Variants in PDGFD observed in about 807,000 individuals in gnomAD.
The protein encoded by PDGFD is platelet-derived growth factor D.
A neutral mutation model predicts 44.7 loss-of-function variants in PDGFD; 30 were observed. The observed-to-expected ratio is 0.67, with a 90% CI of 0.50 to 0.91. The LOEUF is 0.91. Among genes scored for constraint, PDGFD ranks in the 40% least tolerant of loss-of-function variants. The pLI is 0.00. For synonymous variants in PDGFD, 173 were observed against 168.4 expected (o/e 1.03, Z -0.21); for missense variants, 445 against 457.8 (o/e 0.97, Z 0.25).
At chr11:104,028,934 G>C (rs1263258794) in intron 1 of PDGFD, among the ~76,000 whole-genome samples, 1 of 152,064 alleles carries the variant, frequency 6.6e-6, no homozygotes, top group Non-Finnish European at 1.5e-5. Flanking sequence ...CCCTGATTTT[G>C]AAAGTTAGAG....
chr11:104,145,241 T>C (rs748456503), intron 1 of PDGFD, among the ~76,000 whole-genome samples: 4 of 152,198 alleles, frequency 2.6e-5, no homozygotes, highest in Non-Finnish European at 5.9e-5. Context: ...GGCTAGATTT[T>C]CTTTTCAAAT....
intron 1 of PDGFD, among the ~76,000 whole-genome samples, chr11:104,136,963 A>G (rs1294739309): frequency 6.6e-6 from 1 of 152,180 alleles, no homozygotes; most frequent in Non-Finnish European, 1.5e-5. Flanking sequence ...AACTAGTCCA[A>G]TGTCCTCATT....
chr11:104,118,320 A>C (rs1009958012), intron 1 of PDGFD, among the ~76,000 whole-genome samples: 1 of 151,816 alleles, frequency 6.6e-6, no homozygotes, highest in African/African-American at 2.4e-5. Flanking sequence ...TCTCTACTCT[A>C]GGCTATGTGA....
intron 1 of PDGFD, among the ~76,000 whole-genome samples, chr11:104,006,329 A>G (rs1478081932): frequency 6.6e-6 from 1 of 152,202 alleles, no homozygotes; most frequent in African/African-American, 2.4e-5. Context: ...ACCACTGACC[A>G]TATCATGATT....
intron 1 of PDGFD, among the ~76,000 whole-genome samples, chr11:104,125,441 T>C (rs1861828680): frequency 6.6e-6 from 1 of 152,168 alleles, no homozygotes; most frequent in South Asian, 2.1e-4. Flanking sequence ...TTTATTATTA[T>C]TATTACTACA....
intron 1 of PDGFD, among the ~76,000 whole-genome samples, chr11:104,103,462 G>GTGTGTATATATA (rs1041388346): frequency 1.2e-3 from 166 of 133,216 alleles, no homozygotes; most frequent in African/African-American, 1.5e-3. Flanking sequence ...GTGTGTGTGT[G>GTGTGTATATATA]TATATATATA....
intron 1 of PDGFD, among the ~76,000 whole-genome samples, chr11:104,078,987 T>C (rs1300951023): frequency 3.3e-5 from 5 of 152,222 alleles, no homozygotes; most frequent in Admixed American, 2.6e-4. Flanking sequence ...TTCCTTGTGA[T>C]GCATCTTAAG....
chr11:104,095,102 C>T (rs1451076665), intron 1 of PDGFD, among the ~76,000 whole-genome samples: 1 of 152,068 alleles, frequency 6.6e-6, no homozygotes, highest in Non-Finnish European at 1.5e-5. Flanking sequence ...TCCACTTACC[C>T]TTCAGATCTC....
At chr11:103,937,546 G>GT (rs907133696) in intron 5 of PDGFD, among the ~76,000 whole-genome samples, 2 of 150,894 alleles carry the variant, frequency 1.3e-5, no homozygotes, top group South Asian at 2.1e-4. Context: ...GTTTTGTTTT[G>GT]TTTTTTTAAT....
chr11:103,909,446 G>A lies in PDGFD; in HGVS notation c.*248C>T, dbSNP rs1295770422. The stretch of plus-strand genomic sequence containing the variant: ...TAGACATGAATATATTTCTGTGTGT[G>A]TTTGTGCATATATAACCTCAAACAC... On this transcript the variant is annotated 3_prime_UTR_variant, in exon 7 of 7. Transcript: ENST00000393158. 1 of 441,004 alleles carries A rather than the reference G, an allele frequency of 2.3e-6. No homozygotes were observed. The highest frequency in any genetic ancestry group is 2.0e-5 in the African/African-American group (1 of 50,926). The allele number at this position is 441,004 out of a possible 1,614,324, so 27.3% of individuals were successfully genotyped here. A position where few individuals can be genotyped will look rare whatever the true frequency, so the allele number is the denominator to read the frequency against.
intron 1 of PDGFD, among the ~76,000 whole-genome samples, chr11:104,090,887 T>TC: frequency 6.6e-6 from 1 of 152,180 alleles, no homozygotes; most frequent in South Asian, 2.1e-4. Flanking sequence ...CAGGAGAAGT[T>TC]CCCACAGATC....
chr11:104,033,889 T>C (rs937265406), intron 1 of PDGFD, among the ~76,000 whole-genome samples: 2 of 152,178 alleles, frequency 1.3e-5, no homozygotes, highest in Admixed American at 6.5e-5. Flanking sequence ...AACCATAACA[T>C]AATATTATTG....
At chr11:104,099,543 A>T (rs1219946222) in intron 1 of PDGFD, among the ~76,000 whole-genome samples, 1 of 151,666 alleles carries the variant, frequency 6.6e-6, no homozygotes, top group African/African-American at 2.4e-5. Context: ...AAGGTGGGAG[A>T]ATCACTTTAT....
chr11:104,148,900 C>T (rs1041096683), intron 1 of PDGFD, among the ~76,000 whole-genome samples: 4 of 152,140 alleles, frequency 2.6e-5, no homozygotes, highest in African/African-American at 9.7e-5. Context: ...GCTTTACCCA[C>T]GTCTCTGCAA....
intron 1 of PDGFD, among the ~76,000 whole-genome samples, chr11:104,023,514 T>C (rs1725910028): frequency 6.6e-6 from 1 of 152,172 alleles, no homozygotes; most frequent in Non-Finnish European, 1.5e-5. Context: ...GTTTATTATT[T>C]ATATCCATGG....
chr11:104,163,469 G>T (rs1862417414), intron 1 of PDGFD, among the ~76,000 whole-genome samples: 1 of 152,098 alleles, frequency 6.6e-6, no homozygotes, highest in African/African-American at 2.4e-5. Context: ...CTGACCAAGG[G>T]GCGGCGCAGC....
intron 3 of PDGFD, among the ~76,000 whole-genome samples, chr11:103,963,095 A>G (rs1053294463): frequency 1.3e-5 from 2 of 152,158 alleles, no homozygotes; most frequent in Non-Finnish European, 2.9e-5. Context: ...TGTTTTGAAG[A>G]TTAAACACTT....
chr11:104,086,523 G>C (rs186609633), intron 1 of PDGFD, among the ~76,000 whole-genome samples: 214 of 152,248 alleles, frequency 1.4e-3, no homozygotes, highest in African/African-American at 4.6e-3. Flanking sequence ...ACTAAGTATA[G>C]ATTTTAAAGG....
chr11:104,082,148 A>ATATATATATATATATATATATATATT (rs1469646554), intron 1 of PDGFD, among the ~76,000 whole-genome samples: 1 of 148,416 alleles, frequency 6.7e-6, no homozygotes, highest in Non-Finnish European at 1.5e-5. Flanking sequence ...ATATATATAT[A>ATATATATATATATATATATATATATT]TGAAAAACAA....
Sources: allele counts gnomAD v4.1 joint callset (sites outside exome capture counted in the v4.1 genomes callset), GRCh38; gene constraint gnomAD v4.1.1; transcripts MANE v1.5; gene names NCBI Gene and HGNC (gene_info 2026-07-23, HGNC 2026-07-21).